Variants in CAMK2D observed in about 807,000 individuals in gnomAD.
The protein encoded by CAMK2D is calcium/calmodulin-dependent protein kinase type II subunit delta.
In CAMK2D, 37 loss-of-function variants were observed where a neutral mutation model predicts 84.0. The observed-to-expected ratio is 0.44, with a 90% CI of 0.34 to 0.58. CAMK2D has a LOEUF of 0.58. CAMK2D is among the 20% of genes least tolerant of loss of function. The pLI, the probability that CAMK2D is intolerant of heterozygous loss-of-function variation, is 0.02. For synonymous variants in CAMK2D, 202 were observed against 212.5 expected, an observed-to-expected ratio of 0.95 and a Z score of 0.43; for missense variants, 448 against 652.5, an observed-to-expected ratio of 0.69 and a Z score of 3.41.
intron 2 of CAMK2D, among the ~76,000 whole-genome samples, chr4:113,751,433 T>C (rs760339712): frequency 3.9e-5 from 6 of 152,238 alleles, no homozygotes; most frequent in Non-Finnish European, 7.3e-5. Flanking sequence ...AAGTTACTTT[T>C]ATATAAGTTA....
intron 2 of CAMK2D, among the ~76,000 whole-genome samples, chr4:113,681,562 T>C (rs2154335108): frequency 6.6e-6 from 1 of 152,294 alleles, no homozygotes; most frequent in East Asian, 1.9e-4. Context: ...ACTAATATAC[T>C]GTATATTCTT....
At chr4:113,461,042 T>C (rs1175540801) in intron 17 of CAMK2D, among the ~76,000 whole-genome samples, 2 of 152,152 alleles carry the variant, frequency 1.3e-5, no homozygotes, top group Non-Finnish European at 2.9e-5. Context: ...AACATGTATA[T>C]TACAATTGAC....
At chr4:113,635,389 T>A (rs1406595682) in intron 3 of CAMK2D, among the ~76,000 whole-genome samples, 1 of 152,226 alleles carries the variant, frequency 6.6e-6, no homozygotes, top group African/African-American at 2.4e-5. Flanking sequence ...TGGGAAATTG[T>A]ACTGCAATTA....
chr4:113,671,604 G>C (rs2154325838), intron 2 of CAMK2D, among the ~76,000 whole-genome samples: 1 of 152,326 alleles, frequency 6.6e-6, no homozygotes, highest in East Asian at 1.9e-4. Context: ...GGAAAGTTGA[G>C]CTGCACTGAA....
At chr4:113,465,211 T>C (rs2097443184) in intron 17 of CAMK2D, among the ~76,000 whole-genome samples, 1 of 152,102 alleles carries the variant, frequency 6.6e-6, no homozygotes, top group Non-Finnish European at 1.5e-5. Context: ...TTTTAAACTT[T>C]TTGTAGAAAC....
intron 4 of CAMK2D, among the ~76,000 whole-genome samples, chr4:113,608,930 T>C (rs953109225): frequency 1.3e-5 from 2 of 152,198 alleles, no homozygotes; most frequent in African/African-American, 4.8e-5. Flanking sequence ...AAATAACTAT[T>C]TCACTTAGGT....
intron 2 of CAMK2D, among the ~76,000 whole-genome samples, chr4:113,680,541 GC>G (rs1405061647): frequency 6.6e-6 from 1 of 151,238 alleles, no homozygotes; most frequent in African/African-American, 2.5e-5. Flanking sequence ...TAGGACATGA[GC>G]TTAAAAAAAA....
intron 2 of CAMK2D, among the ~76,000 whole-genome samples, chr4:113,707,695 A>G (rs989222191): frequency 6.6e-6 from 1 of 152,210 alleles, no homozygotes. Flanking sequence ...ATATTATTGA[A>G]CACAGTCAAT....
At chr4:113,666,463 A>G (rs534053434) in intron 2 of CAMK2D, among the ~76,000 whole-genome samples, 1 of 152,172 alleles carries the variant, frequency 6.6e-6, no homozygotes, top group East Asian at 1.9e-4. Context: ...AGGTGTGAAA[A>G]CCCACAGGTA....
chr4:113,712,854 G>A (rs1391336598), intron 2 of CAMK2D, among the ~76,000 whole-genome samples: 2 of 151,736 alleles, frequency 1.3e-5, no homozygotes, highest in Admixed American at 6.6e-5. Flanking sequence ...TCTACCTAGG[G>A]ATAAAATATT....
intron 12 of CAMK2D, among the ~76,000 whole-genome samples, chr4:113,509,932 T>C (rs1262663815): frequency 6.6e-6 from 1 of 152,218 alleles, no homozygotes; most frequent in Non-Finnish European, 1.5e-5. Flanking sequence ...GCCAGTTGTG[T>C]TTATTGGACT....
At position 113,622,248 on chromosome 4, in the gene CAMK2D, G is replaced by A. The variant is rs118021793; in HGVS notation, c.221-13042C>T. On this transcript the variant is annotated intron_variant, in intron 3 of 20. Coordinates refer to ENST00000511664, the MANE Select transcript of CAMK2D (RefSeq NM_001321571.2). ...CCCTTCCTATTAATTTTATGTTGAG[G>A]AGCAAACTTCTTAACGTGACCCATT... Among the ~76,000 whole-genome samples the A allele has an allele frequency of 5.7e-3, 861 of 152,148 alleles. 30 individuals carry two copies. In the East Asian group the frequency reaches 0.11, roughly 20 times the overall value.
chr4:113,531,886 A>T (rs1015659721), intron 7 of CAMK2D, among the ~76,000 whole-genome samples: 2 of 152,218 alleles, frequency 1.3e-5, no homozygotes, highest in Non-Finnish European at 2.9e-5. Flanking sequence ...GAATTCAATA[A>T]GTTACACTTA....
chr4:113,717,132 C>G (rs1457820390), intron 2 of CAMK2D, among the ~76,000 whole-genome samples: 2 of 151,896 alleles, frequency 1.3e-5, no homozygotes, highest in Non-Finnish European at 2.9e-5. Flanking sequence ...TTTTTCTGTC[C>G]CTCTCAGAAC....
At chr4:113,475,269 G>A (rs986326789) in intron 16 of CAMK2D, among the ~76,000 whole-genome samples, 1 of 152,186 alleles carries the variant, frequency 6.6e-6, no homozygotes, top group African/African-American at 2.4e-5. Context: ...CAAGAAGGCA[G>A]AAAGAGCTGA....
chr4:113,620,728 G>A (rs1415418618), intron 3 of CAMK2D, among the ~76,000 whole-genome samples: 1 of 151,896 alleles, frequency 6.6e-6, no homozygotes, highest in African/African-American at 2.4e-5. Context: ...GGATAGTCTC[G>A]ATCTCTTGAC....
At chr4:113,479,615 C>A (rs956433350) in intron 16 of CAMK2D, among the ~76,000 whole-genome samples, 2 of 152,026 alleles carry the variant, frequency 1.3e-5, no homozygotes, top group African/African-American at 4.8e-5. Flanking sequence ...TTAAAAAAAC[C>A]ATCAGTTTCG....
At chr4:113,558,233 C>T (rs2098678663) in intron 4 of CAMK2D, among the ~76,000 whole-genome samples, 2 of 152,236 alleles carry the variant, frequency 1.3e-5, no homozygotes. Context: ...CTTTCTGCTT[C>T]ATCTATCCAA....
chr4:113,692,333 G>GT lies in CAMK2D; in HGVS notation c.161-30562dup, dbSNP rs140047368. On this transcript the variant is annotated intron_variant, in intron 2 of 20. Coordinates refer to ENST00000511664, the MANE Select transcript of CAMK2D (RefSeq NM_001321571.2). ...TTAAAATATGGCCATAATTTTCTAA[G>GT]TTTGTGAAAATTTTGAGTAATATTA... Among the ~76,000 whole-genome samples, 837 of 152,096 alleles carry GT rather than the reference G, an allele frequency of 5.5e-3. 11 individuals are homozygous for GT. The highest frequency in any genetic ancestry group is 0.019 in the African/African-American group (804 of 41,484).
Sources: allele counts gnomAD v4.1 joint callset (sites outside exome capture counted in the v4.1 genomes callset), GRCh38; gene constraint gnomAD v4.1.1; transcripts MANE v1.5; gene names NCBI Gene and HGNC (gene_info 2026-07-23, HGNC 2026-07-21).